Variants in TOX2 observed in about 807,000 individuals in gnomAD.
The protein encoded by TOX2 is granulosa cell HMG box 1.
In TOX2, 15 loss-of-function variants were observed where a neutral mutation model predicts 47.4. That is an observed-to-expected ratio of 0.32 (90% confidence interval 0.21 to 0.49). The LOEUF (loss-of-function observed/expected upper bound fraction) is 0.49, where lower values mean the gene tolerates loss of function less well. TOX2 is among the 20% of genes least tolerant of loss of function. The pLI is 0.99. For synonymous variants in TOX2, 290 were observed against 296.6 expected, an observed-to-expected ratio of 0.98 and a Z score of 0.23; for missense variants, 622 against 673.1, an observed-to-expected ratio of 0.92 and a Z score of 0.84.
intron 1 of TOX2, among the ~76,000 whole-genome samples, chr20:43,931,906 G>A (rs1323431421): frequency 6.6e-6 from 1 of 152,222 alleles, no homozygotes; most frequent in Non-Finnish European, 1.5e-5. Flanking sequence ...CCACATGTGG[G>A]TATTTTAGCC....
intron 1 of TOX2, chr20:43,945,681 C>T (rs929967129): frequency 1.4e-5 from 7 of 507,698 alleles, no homozygotes; most frequent in Non-Finnish European, 2.1e-5. Context: ...CTTCTGCTCC[C>T]CGAGACCTGG....
At position 43,957,569 on chromosome 20, in the gene TOX2, T is replaced by TG. The variant is rs1555833162; in HGVS notation, c.100-15798_100-15797insG. Among the ~76,000 whole-genome samples, 16 of 141,392 alleles carry TG rather than the reference T, an allele frequency of 1.1e-4. No homozygotes were observed. The East Asian group carries it at 3.3e-3, about 29-fold the overall frequency. 92.8% of individuals were successfully genotyped at this position (141,392 alleles called of 152,430 possible). A position where few individuals can be genotyped will look rare whatever the true frequency, so the allele number is the denominator to read the frequency against. ...ACCTGGCATAAAGTAAATGCCCTCT[T>TG]TTTTTTTTTTTTTTTTTTGGCTTAA... On this transcript the variant is annotated intron_variant, in intron 1 of 8. Transcript: ENST00000341197.
At chr20:43,955,688 G>C (rs552306018) in intron 1 of TOX2, among the ~76,000 whole-genome samples, 1 of 152,224 alleles carries the variant, frequency 6.6e-6, no homozygotes, top group South Asian at 2.1e-4. Context: ...TGCATAACAT[G>C]CTGGGGCTGT....
At chr20:44,010,006 G>A (rs6103562) in intron 3 of TOX2, among the ~76,000 whole-genome samples, 115,632 of 152,186 alleles carry the variant, frequency 0.76, 44,967 homozygotes, top group African/African-American at 0.93. Context: ...ACCCACCTGA[G>A]GATTGTGATG....
intron 1 of TOX2, among the ~76,000 whole-genome samples, chr20:43,952,939 A>C (rs527370712): frequency 7.2e-4 from 109 of 152,072 alleles, no homozygotes; most frequent in South Asian, 5.2e-3. Flanking sequence ...GGATGGGGAG[A>C]GTATCATGGG....
At position 44,066,045 on chromosome 20, in the gene TOX2, C is replaced by G; in HGVS notation, c.1294C>G (p.Leu432Val). The G allele has an allele frequency of 6.3e-7, 1 of 1,592,708 alleles. No individual in the cohort carries two copies. The highest frequency in any genetic ancestry group is 8.5e-7 in the Non-Finnish European group (1 of 1,170,148). The change falls in exon 7 of 9, where the codon CTG becomes GTG. Residue 432 changes from leucine to valine, a missense_variant. Coordinates refer to ENST00000341197, the MANE Select transcript of TOX2 (RefSeq NM_001098797.2). Reference protein sequence around the residue: ...SMSPAPQPPVLPTPMALQVQL... With the variant: ...SMSPAPQPPVVPTPMALQVQL... ...GTCCCCAGCCCCCCAGCCCCCTGTC[C>G]TGCCCACCCCCATGGCACTCCAGGT...
In TOX2 at chr20:44,006,800, C is replaced by A; in HGVS notation, c.411+8C>A. 6.2e-7 allele frequency: 1 copy of A among 1,610,900 alleles called. No homozygotes were observed. Among genetic ancestry groups the A allele is most frequent in the Non-Finnish European group, 8.5e-7 (1 of 1,179,028 alleles). Reference sequence around the variant, plus strand: ...TCGGGCCAGCTGCCCACGGTGAGTCCCTATCGCCTGCTGCAGTTCCTGCTG... The same window carrying A: ...TCGGGCCAGCTGCCCACGGTGAGTCACTATCGCCTGCTGCAGTTCCTGCTG... On this transcript the variant is annotated splice_region_variant and intron_variant, in intron 3 of 8. Transcript: ENST00000341197.
intron 1 of TOX2, among the ~76,000 whole-genome samples, chr20:43,943,438 C>G (rs1316088798): frequency 2.0e-5 from 3 of 152,204 alleles, no homozygotes; most frequent in African/African-American, 7.2e-5. Context: ...TGCCCCTTCT[C>G]CAAATCTCGG....
intron 3 of TOX2, among the ~76,000 whole-genome samples, chr20:44,018,198 A>C (rs2070913130): frequency 6.6e-6 from 1 of 152,166 alleles, no homozygotes; most frequent in South Asian, 2.1e-4. Context: ...CCTTCCGCTG[A>C]AATTCATAAA....
Position 43,916,470 on chromosome 20 carries a change from G to C in TOX2, c.99+1480G>C, listed in dbSNP as rs544599439. On this transcript the variant is annotated intron_variant, in intron 1 of 8. Coordinates refer to ENST00000341197, the MANE Select transcript of TOX2 (RefSeq NM_001098797.2). The surrounding 1 kb of genome is among the most constrained non-coding windows in gnomAD (Gnocchi z 5.0). ...TGCGCGATGTGGGGCGGTGGTGGGCGACAAGTGAGGTCTCGCGAAGAGTGG... is the reference window on the plus strand; with the variant it reads ...TGCGCGATGTGGGGCGGTGGTGGGCCACAAGTGAGGTCTCGCGAAGAGTGG... Among the ~76,000 whole-genome samples the C allele has an allele frequency of 1.1e-4, 16 of 152,346 alleles. No homozygotes were observed. The highest frequency in any genetic ancestry group is 3.6e-4 in the African/African-American group (15 of 41,576).
intron 1 of TOX2, among the ~76,000 whole-genome samples, chr20:43,941,770 T>C (rs1012352651): frequency 6.6e-6 from 1 of 152,192 alleles, no homozygotes; most frequent in Non-Finnish European, 1.5e-5. Context: ...TCTCTGTGGG[T>C]TCCTCCTTGC....
At chr20:44,046,331 T>C (rs2071407947) in intron 3 of TOX2, among the ~76,000 whole-genome samples, 1 of 152,242 alleles carries the variant, frequency 6.6e-6, no homozygotes, top group Admixed American at 6.5e-5. Context: ...GCAGAAAATC[T>C]GTTTAAATTT....
chr20:44,023,029 G>A (rs1049823406), intron 3 of TOX2, among the ~76,000 whole-genome samples: 5 of 151,146 alleles, frequency 3.3e-5, no homozygotes, highest in Admixed American at 2.6e-4. Flanking sequence ...GGCCAGAGGA[G>A]GGGGGAAGCT....
In TOX2 at chr20:44,051,293, C is replaced by T; in HGVS notation, c.412-13C>T. On this transcript the variant is annotated splice_polypyrimidine_tract_variant and intron_variant, in intron 3 of 8. Transcript: ENST00000341197. The stretch of plus-strand genomic sequence containing the variant: ...ATCCTTCCTAACTCAACCCTCCTGT[C>T]CTCCTCTCTTAGATCCAGGAGATGG... 6 of 1,594,488 alleles carry T rather than the reference C, an allele frequency of 3.8e-6. No homozygotes were observed. Among genetic ancestry groups the T allele is most frequent in the Non-Finnish European group, 5.1e-6 (6 of 1,166,794 alleles).
chr20:43,927,642 C>T lies in TOX2; in HGVS notation c.99+12652C>T, dbSNP rs968436568. 1.6e-3 allele frequency among the ~76,000 whole-genome samples: 112 copies of T among 70,200 alleles called. 1 individual carries two copies. Among genetic ancestry groups the T allele is most frequent in the East Asian group, 4.8e-3 (5 of 1,042 alleles). 46.1% of individuals were successfully genotyped at this position (70,200 alleles called of 152,430 possible). On this transcript the variant is annotated intron_variant, in intron 1 of 8. Coordinates refer to ENST00000341197, the MANE Select transcript of TOX2 (RefSeq NM_001098797.2). ...CTTCCTTCCTCCTTCCTTCCTTCCT[C>T]CCCTTCCCTTCCCTTCCCCTTCCTT... is the stretch of plus-strand genomic sequence containing the variant.
intron 3 of TOX2, among the ~76,000 whole-genome samples, chr20:44,015,144 T>C (rs1012489884): frequency 2.0e-4 from 31 of 152,110 alleles, no homozygotes; most frequent in African/African-American, 7.2e-4. Flanking sequence ...ATCTCCCAAA[T>C]GGGTCTCTGA....
intron 2 of TOX2, among the ~76,000 whole-genome samples, chr20:43,996,874 C>T (rs549229396): frequency 6.6e-6 from 1 of 152,236 alleles, no homozygotes; most frequent in African/African-American, 2.4e-5. Flanking sequence ...ATGTAACTCT[C>T]AATACATGAG....
chr20:44,066,506 A>T (rs1360198161), intron 7 of TOX2, among the ~76,000 whole-genome samples: 4 of 152,238 alleles, frequency 2.6e-5, no homozygotes, highest in South Asian at 4.1e-4. Flanking sequence ...TGAGGCCCAG[A>T]AAGGGAAAGG....
In TOX2 at chr20:44,037,342, C is replaced by T. The variant is rs376136277; in HGVS notation, c.412-13964C>T. ...GAGGGGATGAAGAAAGGAAAACTTT[C>T]GTCTTGAACACACTAGGTGTCTGAC... On this transcript the variant is annotated intron_variant, in intron 3 of 8. Coordinates refer to ENST00000341197, the MANE Select transcript of TOX2 (RefSeq NM_001098797.2). Among the ~76,000 whole-genome samples, 21 of 152,356 alleles carry T rather than the reference C, an allele frequency of 1.4e-4. No homozygotes were observed. In the South Asian group the frequency reaches 3.7e-3, roughly 27 times the overall value.
Sources: gnomAD v4.1 joint callset for allele counts (sites outside exome capture counted in the v4.1 genomes callset) on GRCh38, gnomAD v4.1.1 for gene constraint, Gnocchi (gnomAD v3.1) non-coding constraint, MANE v1.5 for transcripts, NCBI Gene and HGNC (gene_info 2026-07-23, HGNC 2026-07-21) for gene names.